Variants in RAB37 observed in about 807,000 individuals in gnomAD.
RAB37 encodes RAB37, member RAS oncogene family, also known as ras-related protein Rab-37.
In RAB37, 29 loss-of-function variants were observed where a neutral mutation model predicts 33.1. The observed-to-expected ratio is 0.88, with a 90% CI of 0.65 to 1.20. RAB37 has a LOEUF of 1.20. Among genes scored for constraint, RAB37 ranks in the 50% most tolerant of loss-of-function variants. The pLI, the probability that RAB37 is intolerant of heterozygous loss-of-function variation, is 0.00. For synonymous variants in RAB37, 128 were observed against 119.5 expected (o/e 1.07, Z -0.47); for missense variants, 299 against 301.1 (o/e 0.99, Z 0.05).
intron 1 of RAB37, among the ~76,000 whole-genome samples, chr17:74,702,299 A>C (rs2143720985): frequency 6.6e-6 from 1 of 152,238 alleles, no homozygotes; most frequent in Admixed American, 6.5e-5. Context: ...AAGAGGCATG[A>C]CCTGAGCTAT....
At chr17:74,691,053 G>A (rs912592272) in intron 1 of RAB37, among the ~76,000 whole-genome samples, 19 of 152,112 alleles carry the variant, frequency 1.2e-4, no homozygotes, top group Non-Finnish European at 2.4e-4. Context: ...CAAGTAGCTG[G>A]GACCACAGAC....
Position 74,707,193 on chromosome 17 carries a change from C to T in RAB37, c.73-22063C>T, listed in dbSNP as rs752909945. On this transcript the variant is annotated intron_variant, in intron 1 of 7. Transcript: ENST00000340415. ...AAAGGAAACAACCAAGAGAATGAAG[C>T]GACAACCTACAGAGTGAGAGAAAAT... Among the ~76,000 whole-genome samples the T allele has an allele frequency of 4.6e-5, 7 of 152,208 alleles. No individual in the cohort carries two copies. The Middle Eastern group carries it at 0.01, about 222-fold the overall frequency.
chr17:74,741,538 A>G (rs921599088), intron 2 of RAB37, among the ~76,000 whole-genome samples: 5 of 149,238 alleles, frequency 3.4e-5, no homozygotes, highest in Non-Finnish European at 5.9e-5. Flanking sequence ...GTGAGCTGAG[A>G]TCGCGCCACT....
chr17:74,681,631 G>A (rs2031956901), intron 1 of RAB37, among the ~76,000 whole-genome samples: 1 of 152,222 alleles, frequency 6.6e-6, no homozygotes, highest in Non-Finnish European at 1.5e-5. Context: ...CGCCACGTGA[G>A]CTCTGCAGGC....
chr17:74,695,057 C>A, intron 1 of RAB37: 1 of 1,594,224 alleles, frequency 6.3e-7, no homozygotes, highest in Non-Finnish European at 8.6e-7. Flanking sequence ...CAGGAGTGTG[C>A]TCACAGCCTG....
chr17:74,677,218 C>T (rs1392505877), intron 1 of RAB37: 1 of 152,124 alleles, frequency 6.6e-6, no homozygotes, highest in Admixed American at 6.6e-5. Flanking sequence ...GAGTTCCACA[C>T]ATCAGCTAGC....
In RAB37 at chr17:74,744,912, G is replaced by A. The variant is rs143915644; in HGVS notation, c.472G>A (p.Gly158Arg). The change falls in exon 7 of 9, where the codon GGA (glycine) becomes AGA (arginine). Residue 158 changes from glycine (G) to arginine (R), a missense_variant. Coordinates refer to ENST00000392613, the MANE Select transcript of RAB37 (RefSeq NM_001006638.3). This position sits in a 1 kb window ranked among gnomAD's most constrained non-coding sequence, Gnocchi z 4.2. ...CGAAAGAGTGATCCGTTCCGAAGAC[G>A]GAGAGACCTTGGCCAGGGTAAGTGA... ...SSERVIRSED[G>R]ETLAREYGVP... 21 of 1,614,158 alleles carry A rather than the reference G, an allele frequency of 1.3e-5. No homozygotes were observed. Among genetic ancestry groups the A allele is most frequent in the Non-Finnish European group, 1.6e-5 (19 of 1,180,054 alleles).
chr17:74,698,400 C>G (rs2032716979), intron 1 of RAB37: 9 of 1,613,952 alleles, frequency 5.6e-6, no homozygotes, highest in Non-Finnish European at 7.6e-6. Flanking sequence ...TCCTCCAAGC[C>G]AAGAGTGAGG....
At chr17:74,704,189 C>T (rs2033313188) in intron 1 of RAB37, among the ~76,000 whole-genome samples, 1 of 152,148 alleles carries the variant, frequency 6.6e-6, no homozygotes, top group African/African-American at 2.4e-5. Context: ...ATCCCTTTGG[C>T]CCATGGGCTG....
chr17:74,710,866 C>CAA (rs111331327), intron 1 of RAB37, among the ~76,000 whole-genome samples: 1 of 136,588 alleles, frequency 7.3e-6, no homozygotes. Context: ...GACTCTGTCT[C>CAA]AAAAAAAAAA....
chr17:74,743,172 AT>A lies in RAB37; in HGVS notation c.291del (p.His97GlnfsTer41). 6.2e-7 allele frequency: 1 copy of A among 1,613,718 alleles called. No individual in the cohort carries two copies. Among genetic ancestry groups the A allele is most frequent in the East Asian group, 2.2e-5 (1 of 44,866 alleles). ...AGQERFRSVTHAYYRDAQALL... is the reference protein window; with the variant it reads ...AGQERFRSVTXAYYRDAQALL... ...CAGGAACGGTTCCGAAGCGTCACCC[AT>A]GCTTATTACAGAGATGCTCAGGGTG... On this transcript the variant is annotated frameshift_variant, in exon 4 of 9. Transcript: ENST00000392613. LOFTEE classifies it high-confidence loss of function.
At position 74,729,146 on chromosome 17, in the gene RAB37, T is replaced by C. The variant is rs1257123787; in HGVS notation, c.73-110T>C. On this transcript the variant is annotated intron_variant, in intron 1 of 7. Transcript: ENST00000340415. This position sits in a 1 kb window ranked among gnomAD's most constrained non-coding sequence, Gnocchi z 4.2. ...GTGTGTTTCTGTGTGTGTGTGTGCATGTTGTGCACATGCGTGCTTAGAAAG... is the reference window on the plus strand; with the variant it reads ...GTGTGTTTCTGTGTGTGTGTGTGCACGTTGTGCACATGCGTGCTTAGAAAG... 4.0e-6 allele frequency: 3 copies of C among 745,238 alleles called. No homozygotes were observed. The African/African-American group carries it at 5.1e-5, about 13-fold the overall frequency. 46.2% of individuals were successfully genotyped at this position (745,238 alleles called of 1,614,324 possible).
chr17:74,719,118 G>T (rs2034206141), intron 1 of RAB37, among the ~76,000 whole-genome samples: 1 of 152,162 alleles, frequency 6.6e-6, no homozygotes. Context: ...GAAAATACCA[G>T]CTCTGAAATA....
chr17:74,719,383 C>T (rs1402481457), intron 1 of RAB37, among the ~76,000 whole-genome samples: 3 of 151,912 alleles, frequency 2.0e-5, no homozygotes, highest in Non-Finnish European at 4.4e-5. Flanking sequence ...CCAGAGAGGT[C>T]GAGGCTGCAG....
chr17:74,705,956 G>A (rs934782653), intron 1 of RAB37, among the ~76,000 whole-genome samples: 3 of 152,106 alleles, frequency 2.0e-5, no homozygotes, highest in African/African-American at 7.2e-5. Context: ...ACATGGATGT[G>A]GCTGGAGGCC....
At chr17:74,717,980 G>A (rs2144001815) in intron 1 of RAB37, among the ~76,000 whole-genome samples, 1 of 152,022 alleles carries the variant, frequency 6.6e-6, no homozygotes, top group South Asian at 2.1e-4. Context: ...CCAAAACTGT[G>A]AGAAATACAT....
chr17:74,726,872 TCA>T (rs2034313473), intron 1 of RAB37, among the ~76,000 whole-genome samples: 1 of 152,232 alleles, frequency 6.6e-6, no homozygotes, highest in African/African-American at 2.4e-5. Context: ...CCTAGTCCTT[TCA>T]CACAGTCTTG....
intron 1 of RAB37, among the ~76,000 whole-genome samples, chr17:74,675,433 G>GAA (rs55820534): frequency 4.6e-5 from 6 of 130,570 alleles, no homozygotes; most frequent in African/African-American, 5.6e-5. Flanking sequence ...GACTCCATCC[G>GAA]AAAAAAAAAA....
Position 74,745,796 on chromosome 17 carries a change from G to C in RAB37, c.*385G>C. 5.2e-6 allele frequency: 1 copy of C among 191,528 alleles called. No individual in the cohort carries two copies. The highest frequency in any genetic ancestry group is 8.9e-5 in the South Asian group (1 of 11,242). The allele number at this position is 191,528 out of a possible 1,614,324, so 11.9% of individuals were successfully genotyped here. Reference sequence around the variant, plus strand: ...CCCAGGGGACACAGATGCACTTTGGGGGTGAGGGCAGGTAATGACTCCATC... The same window carrying C: ...CCCAGGGGACACAGATGCACTTTGGCGGTGAGGGCAGGTAATGACTCCATC... On this transcript the variant is annotated 3_prime_UTR_variant, in exon 9 of 9. Transcript: ENST00000392613. The surrounding 1 kb of genome is among the most constrained non-coding windows in gnomAD (Gnocchi z 4.5).
Sources: gnomAD v4.1 joint callset for allele counts (sites outside exome capture counted in the v4.1 genomes callset) on GRCh38, gnomAD v4.1.1 for gene constraint, Gnocchi (gnomAD v3.1) non-coding constraint, MANE v1.5 for transcripts, NCBI Gene and HGNC (gene_info 2026-07-23, HGNC 2026-07-21) for gene names.